Variants in PI4KB observed in about 807,000 individuals in gnomAD.
The protein encoded by PI4KB is PtdIns 4-kinase beta.
Under a neutral mutation model 81.4 loss-of-function variants are expected in PI4KB, and 23 were observed. That is an observed-to-expected ratio of 0.28 (90% confidence interval 0.20 to 0.40). The LOEUF (loss-of-function observed/expected upper bound fraction) is 0.40. PI4KB is among the 10% of genes least tolerant of loss of function. PI4KB has a pLI of 1.00. For missense variants in PI4KB, 651 were observed against 1,036.6 expected (o/e 0.63, Z 5.11); for synonymous variants, 381 against 406.8 (o/e 0.94, Z 0.76).
chr1:151,293,936 G>A, intron 11 of PI4KB, 82 bp downstream of exon 11: 1 of 1,513,274 alleles, frequency 6.6e-7, no homozygotes, highest in African/African-American at 1.4e-5. Flanking sequence ...AGTCTCGTGG[G>A]ATCAGCTTTC....
intron 3 of PI4KB, among the ~76,000 whole-genome samples, chr1:151,308,572 A>G (rs1267897524): frequency 1.3e-5 from 2 of 151,946 alleles, no homozygotes; most frequent in Non-Finnish European, 2.9e-5. Context: ...CTCTTCCCCT[A>G]CCTCTCAGTG....
chr1:151,293,730 T>G, intron 11 of PI4KB: 1 of 374,574 alleles, frequency 2.7e-6, no homozygotes, highest in Non-Finnish European at 4.9e-6. Context: ...TGGACAGGGG[T>G]GGGGAGGTGA....
Position 151,316,514 on chromosome 1 carries a change from AG to A in PI4KB, c.-28-6del, listed in dbSNP as rs770444247. 6.6e-7 allele frequency: 1 copy of A among 1,506,726 alleles called. No homozygotes were observed. The highest frequency in any genetic ancestry group is 8.9e-7 in the Non-Finnish European group (1 of 1,126,950). 93.3% of individuals were successfully genotyped at this position (1,506,726 alleles called of 1,614,324 possible). ...GCCAGACTTCGAGCTTCCAAGCTAC[AG>A]GAAGAGGGAGGGAGAAAAGAACAGA... On this transcript the variant is annotated splice_polypyrimidine_tract_variant and splice_region_variant and intron_variant, in intron 1 of 11. Coordinates refer to ENST00000368873, the MANE Select transcript of PI4KB (RefSeq NM_001369623.2).
intron 8 of PI4KB, chr1:151,300,754 C>T (rs1695197713): frequency 6.6e-6 from 1 of 152,230 alleles, no homozygotes; most frequent in Non-Finnish European, 1.5e-5. Flanking sequence ...GGAGTTCTGA[C>T]CTGCTCCATT....
At chr1:151,316,808 A>G (rs1648017883) in intron 1 of PI4KB, among the ~76,000 whole-genome samples, 1 of 150,646 alleles carries the variant, frequency 6.6e-6, no homozygotes, top group Admixed American at 6.7e-5. Context: ...AGATTTACAA[A>G]TTCTTTTTGT....
intron 1 of PI4KB, chr1:151,324,758 G>T: frequency 2.0e-6 from 2 of 985,340 alleles, no homozygotes; most frequent in Non-Finnish European, 2.4e-6. Context: ...TCTCTGAATT[G>T]TTCCTCCCTA....
At chr1:151,310,061 G>A (rs908124526) in intron 3 of PI4KB, 150 bp downstream of exon 3, 4 of 632,558 alleles carry the variant, frequency 6.3e-6, no homozygotes, top group Non-Finnish European at 1.2e-5. Flanking sequence ...AGCAGATCTG[G>A]GAGGTCTGGG....
chr1:151,303,208 C>T (rs946466205), intron 6 of PI4KB: 6 of 222,960 alleles, frequency 2.7e-5, no homozygotes, highest in Non-Finnish European at 5.6e-5. Context: ...ACCGTGTTAG[C>T]CAGGATGGTC....
intron 2 of PI4KB, among the ~76,000 whole-genome samples, chr1:151,311,782 G>A (rs1696250169): frequency 6.6e-6 from 1 of 152,172 alleles, no homozygotes; most frequent in Non-Finnish European, 1.5e-5. Context: ...GTCAGCTCCG[G>A]GGAGTAAAGA....
At chr1:151,323,210 T>C (rs929944607) in intron 1 of PI4KB, among the ~76,000 whole-genome samples, 1 of 152,114 alleles carries the variant, frequency 6.6e-6, no homozygotes, top group South Asian at 2.1e-4. Flanking sequence ...AGTAAAGAAA[T>C]AGAGGAACAA....
intron 1 of PI4KB, among the ~76,000 whole-genome samples, chr1:151,326,884 T>TA (rs1649686153): frequency 6.6e-6 from 1 of 151,348 alleles, no homozygotes; most frequent in Non-Finnish European, 1.5e-5. Flanking sequence ...GGAAAAGAGA[T>TA]AAAGGTGGAG....
In PI4KB at chr1:151,291,921, T is replaced by C. The variant is rs1247756661; in HGVS notation, c.*931A>G. 6.6e-6 allele frequency: 1 copy of C among 152,346 alleles called. No individual in the cohort carries two copies. The highest frequency in any genetic ancestry group is 1.5e-5 in the Non-Finnish European group (1 of 68,066). The allele number at this position is 152,346 out of a possible 1,614,324, so 9.4% of individuals were successfully genotyped here. On this transcript the variant is annotated 3_prime_UTR_variant, in exon 12 of 12. Transcript: ENST00000368873. Reference sequence around the variant, plus strand: ...CGAATCTCCATTCAGGCCTCTCTTTTTCTGTGACTTGGACAATGTGGAGTT... The same window carrying C: ...CGAATCTCCATTCAGGCCTCTCTTTCTCTGTGACTTGGACAATGTGGAGTT...
Position 151,293,902 on chromosome 1 carries a change from C to G in PI4KB, c.2269+116G>C, listed in dbSNP as rs587686241. ...GCACTGGACCAGAGCTAGAAACTCT[C>G]TGGGAACCCCCCTCCCTCAACCGAG... On this transcript the variant is annotated intron_variant, in intron 11 of 11. Coordinates refer to ENST00000368873, the MANE Select transcript of PI4KB (RefSeq NM_001369623.2). The G allele has an allele frequency of 3.5e-5, 42 of 1,183,548 alleles. No homozygotes were observed. The African/African-American group carries it at 6.1e-4, about 17-fold the overall frequency. 73.3% of individuals were successfully genotyped at this position (1,183,548 alleles called of 1,614,324 possible).
chr1:151,318,711 CAAAT>C (rs145012777), intron 1 of PI4KB, among the ~76,000 whole-genome samples: 17 of 147,666 alleles, frequency 1.2e-4, no homozygotes, highest in African/African-American at 2.5e-4. Flanking sequence ...AACTCTGTCT[CAAAT>C]AAATAAATAA....
chr1:151,311,442 C>T (rs1212695747), intron 2 of PI4KB, among the ~76,000 whole-genome samples: 1 of 152,176 alleles, frequency 6.6e-6, no homozygotes, highest in Non-Finnish European at 1.5e-5. Context: ...TCAGGTCCTT[C>T]CTTGAAGAAT....
At chr1:151,295,355 A>G (rs997847221) in intron 9 of PI4KB, among the ~76,000 whole-genome samples, 4 of 152,240 alleles carry the variant, frequency 2.6e-5, no homozygotes, top group African/African-American at 9.6e-5. Context: ...GAGGGACAAA[A>G]GGAGAACCTA....
Position 151,316,044 on chromosome 1 carries a change from T to C in PI4KB, c.438A>G (p.Ser146=). Residue 146 remains serine (S), a synonymous_variant, in exon 2 of 12, where the codon TCA becomes TCG. Coordinates refer to ENST00000368873, the MANE Select transcript of PI4KB (RefSeq NM_001369623.2). The part of the protein sequence containing the change: ...SKLFDISMAI[S]YLYNSKEPGV... ...CAGGCTCCTTGGAGTTATACAGGTA[T>C]GAAATGGCCATGGAGATGTCAAACA... 6.2e-7 allele frequency: 1 copy of C among 1,614,184 alleles called. No homozygotes were observed. Among genetic ancestry groups the C allele is most frequent in the Non-Finnish European group, 8.5e-7 (1 of 1,180,022 alleles).
In PI4KB at chr1:151,299,066, C is replaced by A; in HGVS notation, c.1757G>T (p.Trp586Leu). Residue 586 changes from tryptophan to leucine, a missense_variant, in exon 9 of 12, where the codon TGG becomes TTG. By Grantham distance (61) the Trp-to-Leu change is moderately conservative (BLOSUM62 -2). Around this residue, in one of 5 missense-constraint regions of PI4KB, gnomAD observed 246 missense variants for 430.1 expected, o/e 0.57. Transcript: ENST00000368873. Reference protein sequence around the residue: ...FQVLKQLQSIWEQERVPLWIK... With the variant: ...FQVLKQLQSILEQERVPLWIK... ...CCAAAGGGGCACTCGCTCCTGTTCCCAAATGGACTGTGAGGAGACATGGAG... is the reference window on the plus strand; with the variant it reads ...CCAAAGGGGCACTCGCTCCTGTTCCAAAATGGACTGTGAGGAGACATGGAG... 6.2e-7 allele frequency: 1 copy of A among 1,613,858 alleles called. No homozygotes were observed. The highest frequency in any genetic ancestry group is 8.5e-7 in the Non-Finnish European group (1 of 1,179,774).
intron 8 of PI4KB, 86 bp downstream of exon 8, chr1:151,301,757 CT>C: frequency 7.7e-7 from 1 of 1,295,492 alleles, no homozygotes; most frequent in Non-Finnish European, 1.1e-6. Context: ...TGATCTTGAA[CT>C]CCCGACTTTG....
Sources: allele counts gnomAD v4.1 joint callset (sites outside exome capture counted in the v4.1 genomes callset), GRCh38; gene constraint gnomAD v4.1.1; regional missense constraint gnomAD v4.1.1; transcripts MANE v1.5; gene names NCBI Gene and HGNC (gene_info 2026-07-23, HGNC 2026-07-21).